MAML3: variants seen among roughly 807,000 people sequenced by gnomAD.
MAML3 encodes mastermind-like protein 3.
MAML3 carries 27 observed loss-of-function variants against 101.9 expected under a neutral mutation model. That is an observed-to-expected ratio of 0.27 (90% CI 0.20 to 0.37). The LOEUF (loss-of-function observed/expected upper bound fraction) is 0.37. Ranked by LOEUF, MAML3 falls within the 10% of genes least tolerant of loss-of-function variation. The pLI is 1.00. For synonymous variants in MAML3, 501 were observed against 555.9 expected (o/e 0.90, Z 1.39); for missense variants, 1,316 against 1,444.9 (o/e 0.91, Z 1.45).
intron 1 of MAML3, among the ~76,000 whole-genome samples, chr4:139,918,081 C>T (rs1733059061): frequency 6.6e-6 from 1 of 152,150 alleles, no homozygotes; most frequent in Non-Finnish European, 1.5e-5. Context: ...CCATCTGTCA[C>T]CTTTTCTGAG....
chr4:139,735,117 G>A lies in MAML3; in HGVS notation c.2080-4450C>T, dbSNP rs1728883247. On this transcript the variant is annotated intron_variant, in intron 2 of 4. Coordinates refer to ENST00000509479, the MANE Select transcript of MAML3 (RefSeq NM_018717.5). The surrounding 1 kb of genome is among the most constrained non-coding windows in gnomAD (Gnocchi z 5.8). ...TCTGGGCGAGCGCTGCGAACGTGGA[G>A]CCAGGCAGTCAAGTGTTACTGCGTA... 6.6e-6 allele frequency among the ~76,000 whole-genome samples: 1 copy of A among 152,222 alleles called. No homozygotes were observed. Among genetic ancestry groups the A allele is most frequent in the Non-Finnish European group, 1.5e-5 (1 of 68,030 alleles).
At chr4:140,037,852 CTT>C (rs1161201761) in intron 1 of MAML3, among the ~76,000 whole-genome samples, 3 of 152,112 alleles carry the variant, frequency 2.0e-5, no homozygotes, top group African/African-American at 7.2e-5. Flanking sequence ...TATAAGGGCC[CTT>C]TGTCTCGAGC....
At chr4:140,009,166 G>C (rs1726507381) in intron 1 of MAML3, among the ~76,000 whole-genome samples, 1 of 152,182 alleles carries the variant, frequency 6.6e-6, no homozygotes, top group Non-Finnish European at 1.5e-5. Context: ...CAAAACATCA[G>C]CCTGTGCCTA....
chr4:139,781,896 C>G (rs1730222924), intron 2 of MAML3, among the ~76,000 whole-genome samples: 1 of 152,198 alleles, frequency 6.6e-6, no homozygotes, highest in South Asian at 2.1e-4. Flanking sequence ...GTGCAACCAC[C>G]CATCTGTGTT....
chr4:139,874,430 G>T (rs1313870760), intron 2 of MAML3, among the ~76,000 whole-genome samples: 1 of 152,060 alleles, frequency 6.6e-6, no homozygotes, highest in East Asian at 1.9e-4. Context: ...CTTGCTAACA[G>T]TTGGCTTTTA....
intron 1 of MAML3, among the ~76,000 whole-genome samples, chr4:140,015,752 G>A (rs538955698): frequency 4.3e-4 from 66 of 152,282 alleles, no homozygotes; most frequent in African/African-American, 1.4e-3. Context: ...TTAGGAGTTC[G>A]AGACCAGCCT....
chr4:139,858,751 A>G (rs2667374), intron 2 of MAML3, among the ~76,000 whole-genome samples: 118,573 of 152,146 alleles, frequency 0.78, 46,393 homozygotes, highest in South Asian at 0.83. Flanking sequence ...GGCAGCTCTT[A>G]TTCACATGTG....
At chr4:139,916,044 GGTTAAT>G (rs1435338990) in intron 1 of MAML3, among the ~76,000 whole-genome samples, 1 of 152,162 alleles carries the variant, frequency 6.6e-6, no homozygotes, top group African/African-American at 2.4e-5. Flanking sequence ...ACGCAAGGTA[GGTTAAT>G]AAACATCATT....
At chr4:139,813,718 G>A (rs543090294) in intron 2 of MAML3, among the ~76,000 whole-genome samples, 39 of 152,262 alleles carry the variant, frequency 2.6e-4, no homozygotes, top group African/African-American at 9.1e-4. Context: ...GTCCCCACAG[G>A]ATCAAGGTGA....
At chr4:140,074,354 C>T (rs1278448027) in intron 1 of MAML3, among the ~76,000 whole-genome samples, 2 of 152,138 alleles carry the variant, frequency 1.3e-5, no homozygotes, top group Admixed American at 1.3e-4. Context: ...ACCCCCTGGT[C>T]CTTTGAAAAC....
intron 1 of MAML3, among the ~76,000 whole-genome samples, chr4:139,961,856 G>T (rs927133983): frequency 1.3e-5 from 2 of 152,156 alleles, no homozygotes; most frequent in Non-Finnish European, 2.9e-5. Flanking sequence ...GCTCACACTT[G>T]TAATCCCAGC....
chr4:140,047,266 G>C (rs547794997), intron 1 of MAML3, among the ~76,000 whole-genome samples: 4 of 152,154 alleles, frequency 2.6e-5, no homozygotes, highest in South Asian at 2.1e-4. Flanking sequence ...TGCAGATTTG[G>C]GGGGAACGCA....
At chr4:140,119,045 A>T (rs1335143308) in intron 1 of MAML3, among the ~76,000 whole-genome samples, 1 of 152,224 alleles carries the variant, frequency 6.6e-6, no homozygotes, top group Non-Finnish European at 1.5e-5. Flanking sequence ...AGCTAGCTTC[A>T]ATACATACAT....
chr4:139,773,329 C>T (rs1404612357), intron 2 of MAML3, among the ~76,000 whole-genome samples: 6 of 152,166 alleles, frequency 3.9e-5, no homozygotes, highest in Non-Finnish European at 8.8e-5. Flanking sequence ...TGTCACTCTT[C>T]GGAGTGGTGT....
At chr4:140,034,834 T>C (rs1726959140) in intron 1 of MAML3, among the ~76,000 whole-genome samples, 1 of 152,198 alleles carries the variant, frequency 6.6e-6, no homozygotes. Context: ...CAGTTAATAA[T>C]ATACAACCAA....
intron 1 of MAML3, among the ~76,000 whole-genome samples, chr4:139,972,688 A>C (rs1057108361): frequency 2.0e-5 from 3 of 152,254 alleles, no homozygotes; most frequent in African/African-American, 7.2e-5. Flanking sequence ...ATCTAAACTC[A>C]CAGAAGTATG....
chr4:139,822,219 TCACCATCACCACCACCACCAC>T, intron 2 of MAML3, among the ~76,000 whole-genome samples: 1 of 144,290 alleles, frequency 6.9e-6, no homozygotes, highest in Admixed American at 7.4e-5. Context: ...ATTATCATTA[TCACCATCACCACCACCACCAC>T]CACCACCACC....
intron 2 of MAML3, among the ~76,000 whole-genome samples, chr4:139,805,703 G>A (rs1279294945): frequency 1.3e-5 from 2 of 152,134 alleles, no homozygotes; most frequent in Non-Finnish European, 2.9e-5. Context: ...ATTCAAATCA[G>A]CATTGCAGAG....
At chr4:139,739,755 C>T (rs1405305523) in intron 2 of MAML3, among the ~76,000 whole-genome samples, 1 of 132,656 alleles carries the variant, frequency 7.5e-6, no homozygotes, top group Non-Finnish European at 1.6e-5. Context: ...TTTCTAAAAA[C>T]ACTAGCCACT....
Sources: gnomAD v4.1 joint callset for allele counts (sites outside exome capture counted in the v4.1 genomes callset) on GRCh38, gnomAD v4.1.1 for gene constraint, Gnocchi (gnomAD v3.1) non-coding constraint, MANE v1.5 for transcripts, NCBI Gene and HGNC (gene_info 2026-07-23, HGNC 2026-07-21) for gene names.